PTPRT: variants seen among roughly 807,000 people sequenced by gnomAD.
PTPRT encodes the protein receptor-type tyrosine-protein phosphatase T.
PTPRT carries 56 observed loss-of-function variants against 176.8 expected under a neutral mutation model. The ratio of observed to expected loss-of-function variants is 0.32; its 90% confidence interval spans 0.26 to 0.40. The LOEUF is 0.40. Among genes scored for constraint, PTPRT ranks in the 10% least tolerant of loss-of-function variants. PTPRT has a pLI of 1.00. For missense variants in PTPRT, 1,540 were observed against 1,908.2 expected, an observed-to-expected ratio of 0.81 and a Z score of 3.60; for synonymous variants, 783 against 739.0, an observed-to-expected ratio of 1.06 and a Z score of -0.96.
intron 13 of PTPRT, among the ~76,000 whole-genome samples, chr20:42,255,064 A>G (rs1185018240): frequency 6.6e-6 from 1 of 152,102 alleles, no homozygotes; most frequent in Non-Finnish European, 1.5e-5. Context: ...CAACAAGGAC[A>G]AGAGCTGGCT....
chr20:42,386,374 A>G (rs2058744408), intron 9 of PTPRT, among the ~76,000 whole-genome samples: 1 of 152,124 alleles, frequency 6.6e-6, no homozygotes, highest in Non-Finnish European at 1.5e-5. Flanking sequence ...GGACCTAACT[A>G]AAAATGGAGG....
chr20:42,475,491 C>T (rs749937892), intron 7 of PTPRT, among the ~76,000 whole-genome samples: 1 of 152,092 alleles, frequency 6.6e-6, no homozygotes, highest in Non-Finnish European at 1.5e-5. Flanking sequence ...ATGAGGTCTG[C>T]CAGAGTAGAA....
At chr20:42,389,941 A>G (rs2058784931) in intron 9 of PTPRT, among the ~76,000 whole-genome samples, 5 of 152,024 alleles carry the variant, frequency 3.3e-5, no homozygotes. Flanking sequence ...CCCTTCTACC[A>G]TAAGATGACA....
intron 16 of PTPRT, among the ~76,000 whole-genome samples, chr20:42,186,200 T>C (rs1264334521): frequency 1.3e-5 from 2 of 151,976 alleles, no homozygotes; most frequent in Admixed American, 6.6e-5. Flanking sequence ...GTAAATATTT[T>C]AGGCTTTGTG....
chr20:42,270,893 C>T (rs949391872), intron 13 of PTPRT, among the ~76,000 whole-genome samples: 4 of 152,148 alleles, frequency 2.6e-5, no homozygotes, highest in East Asian at 1.9e-4. Flanking sequence ...CTCTTATAAT[C>T]AATCACCATG....
intron 1 of PTPRT, among the ~76,000 whole-genome samples, chr20:42,900,777 C>T (rs567013219): frequency 3.2e-4 from 49 of 152,228 alleles, no homozygotes; most frequent in African/African-American, 1.2e-3. Flanking sequence ...GGGTCTAAAA[C>T]CCCTCGTGGC....
intron 1 of PTPRT, among the ~76,000 whole-genome samples, chr20:43,143,543 G>C (rs577194993): frequency 6.6e-6 from 1 of 152,326 alleles, no homozygotes; most frequent in African/African-American, 2.4e-5. Flanking sequence ...CACATTTACA[G>C]AGGCCACATT....
chr20:42,352,320 A>C (rs2145526346), intron 9 of PTPRT, 35 bp from the exon 10 acceptor site: 1 of 1,605,658 alleles, frequency 6.2e-7, no homozygotes, highest in Non-Finnish European at 8.5e-7. Context: ...CAAACAAATA[A>C]ATGCCTCACT....
intron 6 of PTPRT, among the ~76,000 whole-genome samples, chr20:42,728,234 C>A (rs75582703): frequency 6.6e-6 from 1 of 152,130 alleles, no homozygotes; most frequent in Admixed American, 6.5e-5. Flanking sequence ...CATTCTAATG[C>A]CCCGAAGGAC....
intron 4 of PTPRT, 78 bp from the exon 5 acceptor site, chr20:42,771,628 AG>A: frequency 8.4e-7 from 1 of 1,195,900 alleles, no homozygotes; most frequent in East Asian, 2.3e-5. Flanking sequence ...ATGGCAGCTC[AG>A]GATGGGCACT....
intron 12 of PTPRT, among the ~76,000 whole-genome samples, chr20:42,311,880 A>C (rs956678085): frequency 6.6e-6 from 1 of 152,202 alleles, no homozygotes; most frequent in South Asian, 2.1e-4. Context: ...TAGTATTCTC[A>C]GTATCAGAAA....
Position 42,519,136 on chromosome 20 carries a change from C to T in PTPRT, c.1154-46574G>A, listed in dbSNP as rs138498246. 3.0e-3 allele frequency among the ~76,000 whole-genome samples: 454 copies of T among 152,178 alleles called. 5 individuals are homozygous for T. In the Middle Eastern group the frequency reaches 0.034, roughly 11 times the overall value. On this transcript the variant is annotated intron_variant, in intron 7 of 30. Coordinates refer to ENST00000373187, the MANE Select transcript of PTPRT (RefSeq NM_007050.6). ...TAGCCACATTCACTTCTTTTTGTTC[C>T]GCAACTCCTTCTTAACATTGGCAGC... is the stretch of plus-strand genomic sequence containing the variant.
chr20:42,827,464 A>G (rs2145679195), intron 2 of PTPRT, among the ~76,000 whole-genome samples: 1 of 152,346 alleles, frequency 6.6e-6, no homozygotes, highest in Admixed American at 6.5e-5. Context: ...TTGGATAAAA[A>G]AAAGAAATTA....
intron 4 of PTPRT, among the ~76,000 whole-genome samples, chr20:42,774,737 C>G (rs2077109699): frequency 2.0e-5 from 3 of 152,198 alleles, no homozygotes; most frequent in Admixed American, 1.3e-4. Context: ...AAGGCCAACC[C>G]CGAGTACAGT....
rs1600795710 is a variant in PTPRT at position 42,824,951 on chromosome 20, T to C, written c.215-33485A>G. On this transcript the variant is annotated intron_variant, in intron 2 of 30. Transcript: ENST00000373187. ...ATAAAAATGTTTATGAACAGATAAT[T>C]CACAGAGGACAAAACATAAAATATA... 2.0e-5 allele frequency among the ~76,000 whole-genome samples: 3 copies of C among 152,140 alleles called. No individual in the cohort carries two copies. The East Asian group carries it at 5.8e-4, about 29-fold the overall frequency.
intron 15 of PTPRT, among the ~76,000 whole-genome samples, chr20:42,221,688 T>G (rs2055889786): frequency 6.6e-6 from 1 of 151,874 alleles, no homozygotes; most frequent in African/African-American, 2.4e-5. Context: ...CCTGACTAAT[T>G]TTTGTATTTT....
chr20:42,362,143 G>T (rs945043894), intron 9 of PTPRT, among the ~76,000 whole-genome samples: 1 of 152,230 alleles, frequency 6.6e-6, no homozygotes, highest in East Asian at 1.9e-4. Context: ...GTGCATGCCT[G>T]TAGTCCCAGC....
At chr20:42,378,378 G>A (rs577398000) in intron 9 of PTPRT, among the ~76,000 whole-genome samples, 1 of 152,236 alleles carries the variant, frequency 6.6e-6, no homozygotes, top group South Asian at 2.1e-4. Context: ...TCAGGATTTG[G>A]GCTGTGTGGC....
Position 42,357,635 on chromosome 20 carries a change from G to A in PTPRT, c.1561-5350C>T, listed in dbSNP as rs374030754. Among the ~76,000 whole-genome samples the A allele has an allele frequency of 4.6e-5, 7 of 152,284 alleles. No homozygotes were observed. In the South Asian group the frequency reaches 6.2e-4, roughly 14 times the overall value. On this transcript the variant is annotated intron_variant, in intron 9 of 30. Coordinates refer to ENST00000373187, the MANE Select transcript of PTPRT (RefSeq NM_007050.6). ...GTGGCTTTGGCTTCTGTATCAAGGC[G>A]CAGTGGCTCATGTCTGAAATCCCAG...
Sources: allele counts gnomAD v4.1 joint callset (sites outside exome capture counted in the v4.1 genomes callset), GRCh38; gene constraint gnomAD v4.1.1; transcripts MANE v1.5; gene names NCBI Gene and HGNC (gene_info 2026-07-23, HGNC 2026-07-21).